Variants in ATP11C observed in about 807,000 individuals in gnomAD.
The protein encoded by ATP11C is phospholipid-transporting ATPase IG.
In ATP11C, 36 loss-of-function variants were observed where a neutral mutation model predicts 97.4. That is an observed-to-expected ratio of 0.37 (90% CI 0.28 to 0.49). ATP11C has a LOEUF of 0.49. Ranked by LOEUF, ATP11C falls within the 20% of genes least tolerant of loss-of-function variation. The pLI is 0.98. For missense variants in ATP11C, 730 were observed against 824.6 expected (o/e 0.89, Z 1.40); for synonymous variants, 275 against 290.9 (o/e 0.95, Z 0.56).
At position 139,750,123 on chromosome X, in the gene ATP11C, C is replaced by A; in HGVS notation, c.2730G>T (p.Met910Ile). Residue 910 changes from methionine (M) to isoleucine (I), a missense_variant, in exon 24 of 30, where the codon ATG becomes ATT. By Grantham distance (10) the Met-to-Ile change is conservative (BLOSUM62 1). Transcript: ENST00000682941. ...GCAAGGATGTGAAGCAGATATTGTA[C>A]ATTGTAAGGTAAGCAGCATCATACA... is the stretch of plus-strand genomic sequence containing the variant. ...QPLYDAAYLTMYNICFTSLPI... is the reference protein window; with the variant it reads ...QPLYDAAYLTIYNICFTSLPI... 3 of 1,201,243 alleles carry A rather than the reference C, an allele frequency of 2.5e-6. No individual in the cohort carries two copies. Among genetic ancestry groups the A allele is most frequent in the Non-Finnish European group, 3.4e-6 (3 of 888,697 alleles).
In ATP11C at chrX:139,763,374, C is replaced by T; in HGVS notation, c.2436G>A (p.Leu812=). ...CATCATTGGCACCATCACCTATCGA[C>T]AGAGTTATTGGGCTGCCTTTTAAAT... The part of the protein sequence containing the change: ...VKNLKGSPIT[L]SIGDGANDVS... Residue 812 remains leucine, a synonymous_variant, in exon 21 of 30, where the codon CTG becomes CTA. Transcript: ENST00000682941. The T allele has an allele frequency of 1.7e-6, 2 of 1,210,367 alleles. No individual in the cohort carries two copies. The highest frequency in any genetic ancestry group is 2.2e-6 in the Non-Finnish European group (2 of 894,117).
chrX:139,799,747 G>A (rs886445228), intron 8 of ATP11C, among the ~76,000 whole-genome samples: 1 of 103,416 alleles, frequency 9.7e-6, no homozygotes, highest in Non-Finnish European at 2.0e-5. Flanking sequence ...TCGCCTCCCG[G>A]GTTCAAGAGA....
chrX:139,742,402 A>C (rs2081576469), intron 26 of ATP11C, among the ~76,000 whole-genome samples: 1 of 111,580 alleles, frequency 9.0e-6, no homozygotes, highest in South Asian at 3.8e-4. Flanking sequence ...ATGTCCTTTT[A>C]AGGTCCTAAA....
chrX:139,795,232 T>TG (rs1357433979), intron 12 of ATP11C, among the ~76,000 whole-genome samples: 1 of 111,887 alleles, frequency 8.9e-6, no homozygotes, highest in African/African-American at 3.3e-5. Flanking sequence ...CAGATACTGG[T>TG]GTCCTGAAGT....
intron 12 of ATP11C, 72 bp downstream of exon 12, chrX:139,796,201 G>T (rs762433068): frequency 2.5e-6 from 2 of 808,435 alleles, no homozygotes; most frequent in African/African-American, 2.1e-5. Context: ...CACATATATT[G>T]GTAATCCAGA....
At chrX:139,833,097 C>CT (rs1337234782) in intron 1 of ATP11C, among the ~76,000 whole-genome samples, 1 of 111,796 alleles carries the variant, frequency 8.9e-6, no homozygotes, top group East Asian at 2.8e-4. Context: ...GGTTTTATTT[C>CT]TTTTTTCAGT....
At chrX:139,745,686 A>AT in intron 25 of ATP11C, 36 bp downstream of exon 25, 1 of 1,185,774 alleles carries the variant, frequency 8.4e-7, no homozygotes, top group Admixed American at 2.3e-5. Context: ...AGCCATGCTT[A>AT]TAATACCAAA....
chrX:139,827,349 T>C (rs1322599500), intron 1 of ATP11C, among the ~76,000 whole-genome samples: 1 of 112,336 alleles, frequency 8.9e-6, no homozygotes, highest in Admixed American at 9.4e-5. Context: ...ATGATCGACT[T>C]TTTCTAAAAA....
rs112982613 is a variant in ATP11C, at chrX:139,917,310, C to T, written c.27+14706G>A. On this transcript the variant is annotated intron_variant, in intron 1 of 29. Transcript: ENST00000682941. ...GATATGACATTAAAAGCACAGGCAA[C>T]GAAAGCATAAACAGACAAATGATGA... Among the ~76,000 whole-genome samples, 335 of 111,706 alleles carry T rather than the reference C, an allele frequency of 3.0e-3. 2 individuals are homozygous for T. Among genetic ancestry groups the T allele is most frequent in the African/African-American group, 9.1e-3 (279 of 30,810 alleles).
intron 1 of ATP11C, among the ~76,000 whole-genome samples, chrX:139,878,128 G>A (rs2084506327): frequency 8.9e-6 from 1 of 112,223 alleles, no homozygotes; most frequent in African/African-American, 3.2e-5. Flanking sequence ...CTTTCTTAGC[G>A]TTATAACTTT....
intron 2 of ATP11C, among the ~76,000 whole-genome samples, chrX:139,822,680 C>T (rs2083438537): frequency 9.1e-6 from 1 of 109,985 alleles, no homozygotes; most frequent in Non-Finnish European, 1.9e-5. Context: ...TCCCAAAGTG[C>T]TGGGATTACA....
At chrX:139,827,190 G>A (rs1248739844) in intron 1 of ATP11C, among the ~76,000 whole-genome samples, 2 of 111,847 alleles carry the variant, frequency 1.8e-5, no homozygotes, top group African/African-American at 3.3e-5. Flanking sequence ...AATGGACTGG[G>A]AATATTTCAT....
intron 1 of ATP11C, among the ~76,000 whole-genome samples, chrX:139,837,683 G>C (rs2083768920): frequency 8.9e-6 from 1 of 112,203 alleles, no homozygotes; most frequent in African/African-American, 3.2e-5. Context: ...TCAAAGAATG[G>C]AATTAAAGTG....
At chrX:139,928,196 A>T (rs1402904580) in intron 1 of ATP11C, among the ~76,000 whole-genome samples, 2 of 106,687 alleles carry the variant, frequency 1.9e-5, no homozygotes, top group Non-Finnish European at 3.9e-5. Flanking sequence ...AATATGATTT[A>T]AAAAAAAAAA....
intron 28 of ATP11C, among the ~76,000 whole-genome samples, chrX:139,733,452 ATT>A (rs2081385938): frequency 8.9e-6 from 1 of 112,243 alleles, no homozygotes; most frequent in African/African-American, 3.2e-5. Flanking sequence ...CTAAAGTAAC[ATT>A]TGTTTCCAGA....
chrX:139,798,147 C>T (rs773525882), intron 10 of ATP11C, 126 bp downstream of exon 10: 90 of 567,066 alleles, frequency 1.6e-4, no homozygotes, highest in Non-Finnish European at 2.4e-4. Context: ...GGTACATAAA[C>T]AAGTGCTTAA....
At chrX:139,866,040 T>C (rs1199981195) in intron 1 of ATP11C, among the ~76,000 whole-genome samples, 2 of 110,789 alleles carry the variant, frequency 1.8e-5, no homozygotes, top group Admixed American at 1.9e-4. Context: ...AGATGACTAT[T>C]AGTCCCATTT....
At chrX:139,745,489 G>A (rs1321729819) in intron 25 of ATP11C, among the ~76,000 whole-genome samples, 1 of 112,169 alleles carries the variant, frequency 8.9e-6, no homozygotes, top group African/African-American at 3.2e-5. Context: ...TTACAGCCAA[G>A]TTAAGGTTCC....
chrX:139,863,018 C>A (rs2084227776), intron 1 of ATP11C, among the ~76,000 whole-genome samples: 1 of 110,742 alleles, frequency 9.0e-6, no homozygotes, highest in Non-Finnish European at 1.9e-5. Context: ...GAACAGAAAC[C>A]CCCGAGAAGA....
Sources: allele counts gnomAD v4.1 joint callset (sites outside exome capture counted in the v4.1 genomes callset), GRCh38; gene constraint gnomAD v4.1.1; transcripts MANE v1.5; gene names NCBI Gene and HGNC (gene_info 2026-07-23, HGNC 2026-07-21).